The following QPRT variants were observed in gnomAD, a reference collection of about 807,000 sequenced individuals.
QPRT encodes nicotinate-nucleotide pyrophosphorylase [carboxylating].
A neutral mutation model predicts 19.8 loss-of-function variants in QPRT; 17 were observed. The ratio of observed to expected loss-of-function variants is 0.86; its 90% CI spans 0.59 to 1.29. The LOEUF (loss-of-function observed/expected upper bound fraction) is 1.29. Ranked by LOEUF, QPRT falls within the 50% of genes most tolerant of loss-of-function variation. The pLI, the probability that QPRT is intolerant of heterozygous loss-of-function variation, is 0.00. For synonymous variants in QPRT, 178 were observed against 191.0 expected (o/e 0.93, Z 0.56); for missense variants, 336 against 405.1 (o/e 0.83, Z 1.46).
intron 1 of QPRT, among the ~76,000 whole-genome samples, chr16:29,686,927 T>C (rs1433341325): frequency 2.0e-5 from 3 of 152,248 alleles, no homozygotes; most frequent in Non-Finnish European, 2.9e-5. Flanking sequence ...CACATCCTCA[T>C]TGAGCACCTG....
rs1227534294 is a variant in QPRT at position 29,698,201 on chromosome 16, G to C, written c.*790G>C. 6.6e-6 allele frequency: 1 copy of C among 152,228 alleles called. No individual in the cohort carries two copies. The highest frequency in any genetic ancestry group is 6.6e-5 in the Admixed American group (1 of 15,250). 9.4% of individuals were successfully genotyped at this position (152,228 alleles called of 1,614,324 possible). A position where few individuals can be genotyped will look rare whatever the true frequency, so the allele number is the denominator to read the frequency against. On this transcript the variant is annotated 3_prime_UTR_variant, in exon 4 of 4. Transcript: ENST00000395384. ...TGGGCAGAGACACTGGGCTGGCCTA[G>C]ACACTGCCTTTGGTGATACCCTAAA...
intron 1 of QPRT, among the ~76,000 whole-genome samples, chr16:29,692,096 A>C (rs959250337): frequency 4.6e-5 from 7 of 152,126 alleles, no homozygotes; most frequent in Non-Finnish European, 8.8e-5. Flanking sequence ...AGCCAACTCC[A>C]CGGATGGCGG....
chr16:29,694,838 T>C lies in QPRT; in HGVS notation c.188T>C (p.Ile63Thr), dbSNP rs1362356514. The change falls in exon 2 of 4, where the codon ATA (isoleucine) becomes ACA (threonine). Residue 63 changes from isoleucine (I) to threonine (T), a missense_variant. By Grantham distance (89) the Ile-to-Thr change is moderately conservative (BLOSUM62 -1). Transcript: ENST00000395384. Reference protein sequence around the residue: ...VLAGQPFFDAIFTQLNCQVSW... With the variant: ...VLAGQPFFDATFTQLNCQVSW... ...GCAGGGCAGCCTTTCTTCGATGCCA[T>C]ATTTACCCAACTCAACTGCCAAGTC... The C allele has an allele frequency of 6.2e-6, 10 of 1,613,994 alleles. No homozygotes were observed. Among genetic ancestry groups the C allele is most frequent in the Non-Finnish European group, 7.6e-6 (9 of 1,179,972 alleles).
chr16:29,689,119 G>A lies in QPRT; in HGVS notation c.14-5545G>A, dbSNP rs752384159. Among the ~76,000 whole-genome samples, 12 of 147,104 alleles carry A rather than the reference G, an allele frequency of 8.2e-5. No homozygotes were observed. In the East Asian group the frequency reaches 2.4e-3, roughly 30 times the overall value. ...TAAATTTAACTTTTTTTTTGAGACC[G>A]AATTGCACTCTGTCACCCAGGATGG... On this transcript the variant is annotated intron_variant, in intron 1 of 3. Transcript: ENST00000395384.
In QPRT at chr16:29,692,536, G is replaced by T. The variant is rs529649879; in HGVS notation, c.14-2128G>T. Among the ~76,000 whole-genome samples the T allele has an allele frequency of 1.6e-3, 240 of 149,002 alleles. 1 individual carries two copies. The highest frequency in any genetic ancestry group is 5.5e-3 in the African/African-American group (223 of 40,344). On this transcript the variant is annotated intron_variant, in intron 1 of 3. Transcript: ENST00000395384. ...GCGGAGCTTGCCGTGAGCCGAGATC[G>T]CGCCACTGCAACAGAACGAGACTAT...
chr16:29,697,913 G>T lies in QPRT; in HGVS notation c.*502G>T, dbSNP rs370627762. 6.5e-6 allele frequency: 1 copy of T among 152,678 alleles called. No homozygotes were observed. Among genetic ancestry groups the T allele is most frequent in the South Asian group, 2.0e-4 (1 of 4,880 alleles). The allele number at this position is 152,678 out of a possible 1,614,324, so 9.5% of individuals were successfully genotyped here. On this transcript the variant is annotated 3_prime_UTR_variant, in exon 4 of 4. Coordinates refer to ENST00000395384, the MANE Select transcript of QPRT (RefSeq NM_014298.6). This position sits in a 1 kb window ranked among gnomAD's most constrained non-coding sequence, Gnocchi z 4.4. ...AGGCAGGAGAATCGCTTGAACCCAG[G>T]AAGTGGAGGTTGCAGTGAGCTGATG...
At chr16:29,686,602 T>A (rs1051167968) in intron 1 of QPRT, among the ~76,000 whole-genome samples, 12 of 152,180 alleles carry the variant, frequency 7.9e-5, no homozygotes, top group Non-Finnish European at 1.5e-5. Context: ...GTTCAAGCAA[T>A]TCTCTGCCTC....
chr16:29,679,762 C>T (rs1966937135), intron 1 of QPRT, among the ~76,000 whole-genome samples: 1 of 152,046 alleles, frequency 6.6e-6, no homozygotes, highest in Non-Finnish European at 1.5e-5. Context: ...CCCCAGGGGG[C>T]CAGTTGCTAA....
At chr16:29,686,844 C>T (rs2142301336) in intron 1 of QPRT, among the ~76,000 whole-genome samples, 2 of 152,262 alleles carry the variant, frequency 1.3e-5, no homozygotes, top group Middle Eastern at 6.8e-3. Flanking sequence ...CCCTGGCTTC[C>T]CAGAGTGCTG....
At chr16:29,681,328 C>T (rs1016112839) in intron 1 of QPRT, among the ~76,000 whole-genome samples, 2 of 151,948 alleles carry the variant, frequency 1.3e-5, no homozygotes, top group Middle Eastern at 3.4e-3. Context: ...CAAGGGGTCT[C>T]GACCTGATTC....
chr16:29,686,840 C>A (rs1329968778), intron 1 of QPRT, among the ~76,000 whole-genome samples: 3 of 152,184 alleles, frequency 2.0e-5, no homozygotes, highest in Non-Finnish European at 4.4e-5. Context: ...CCCACCCTGG[C>A]TTCCCAGAGT....
chr16:29,685,128 A>T (rs186274661), intron 1 of QPRT, among the ~76,000 whole-genome samples: 6 of 152,306 alleles, frequency 3.9e-5, no homozygotes, highest in Admixed American at 2.0e-4. Flanking sequence ...CTACTGTCAA[A>T]GTTCAGGGCT....
intron 1 of QPRT, among the ~76,000 whole-genome samples, chr16:29,689,602 G>A (rs1967265447): frequency 6.6e-6 from 1 of 152,092 alleles, no homozygotes; most frequent in South Asian, 2.1e-4. Context: ...CTAAAGGCAG[G>A]TAGCCTGGTG....
chr16:29,680,390 A>G (rs1439133716), intron 1 of QPRT, among the ~76,000 whole-genome samples: 4 of 152,184 alleles, frequency 2.6e-5, no homozygotes, highest in Admixed American at 2.6e-4. Context: ...GCCGCAGAGC[A>G]GGTCATGTTC....
At chr16:29,682,760 A>G (rs536381272) in intron 1 of QPRT, among the ~76,000 whole-genome samples, 2 of 152,088 alleles carry the variant, frequency 1.3e-5, no homozygotes, top group East Asian at 3.9e-4. Context: ...AAACTTTAAA[A>G]ATTTCCTTGG....
At chr16:29,679,019 C>G, upstream of QPRT, 1 of 1,036,036 alleles carries the variant, frequency 9.7e-7, no homozygotes, top group East Asian at 2.6e-5. Context: ...ACTTTCAGGG[C>G]CTGCTGAGGA....
chr16:29,691,118 A>C (rs1967313916), intron 1 of QPRT, among the ~76,000 whole-genome samples: 1 of 151,510 alleles, frequency 6.6e-6, no homozygotes, highest in Admixed American at 6.6e-5. Context: ...TAATCCCAGC[A>C]CTTTGGGAGG....
intron 1 of QPRT, among the ~76,000 whole-genome samples, chr16:29,691,369 A>AG: frequency 9.8e-6 from 1 of 101,972 alleles, no homozygotes; most frequent in East Asian, 2.6e-4. Flanking sequence ...TGCATCAAAA[A>AG]AAAAAAAAAA....
intron 1 of QPRT, among the ~76,000 whole-genome samples, chr16:29,689,844 C>T (rs930394228): frequency 6.6e-6 from 1 of 152,078 alleles, no homozygotes; most frequent in Non-Finnish European, 1.5e-5. Flanking sequence ...AATCACGACC[C>T]TCTCACGCGG....
Sources: gnomAD v4.1 joint callset for allele counts (sites outside exome capture counted in the v4.1 genomes callset) on GRCh38, gnomAD v4.1.1 for gene constraint, Gnocchi (gnomAD v3.1) non-coding constraint, MANE v1.5 for transcripts, NCBI Gene and HGNC (gene_info 2026-07-23, HGNC 2026-07-21) for gene names.